The following ITGAX variants were observed in gnomAD, a reference collection of about 807,000 sequenced individuals.
The protein encoded by ITGAX is integrin alpha-X.
ITGAX carries 99 observed loss-of-function variants against 140.2 expected under a neutral mutation model. The ratio of observed to expected loss-of-function variants is 0.71; its 90% confidence interval spans 0.60 to 0.83. ITGAX has a LOEUF of 0.83. Among genes scored for constraint, ITGAX ranks in the 40% least tolerant of loss-of-function variants. The probability of loss-of-function intolerance (pLI) is 0.00; values close to 1 mark genes in which losing one functional copy is unlikely to be tolerated. For synonymous variants in ITGAX, 631 were observed against 600.4 expected, an observed-to-expected ratio of 1.05 and a Z score of -0.75; for missense variants, 1,444 against 1,482.0, an observed-to-expected ratio of 0.97 and a Z score of 0.42.
In ITGAX at chr16:31,359,767, C is replaced by A. The variant is rs139287488; in HGVS notation, c.498C>A (p.Asn166Lys). The change falls in exon 6 of 30, where the codon AAC becomes AAA. Residue 166 changes from asparagine (N) to lysine (K), a missense_variant. Asn to Lys is a moderately conservative substitution (Grantham distance 94). Coordinates refer to ENST00000268296, the MANE Select transcript of ITGAX (RefSeq NM_000887.5). The stretch of plus-strand genomic sequence containing the variant: ...GCTCAGGCAGCATCTCCTCCCGCAA[C>A]TTTGCCACGATGATGAACTTCGTGA... ...IDGSGSISSR[N>K]FATMMNFVRA... The A allele has an allele frequency of 2.1e-4, 346 of 1,614,176 alleles. 1 individual carries two copies. The African/African-American group carries it at 4.1e-3, about 19-fold the overall frequency.
Position 31,382,250 on chromosome 16 carries a change from T to TTTTTTTTTTTTTTTTCTTTTC in ITGAX, c.*356_*357insTTCTTTTCTTTTTTTTTTTTT. On this transcript the variant is annotated 3_prime_UTR_variant, in exon 30 of 30. Coordinates refer to ENST00000268296, the MANE Select transcript of ITGAX (RefSeq NM_000887.5). Reference sequence around the variant, plus strand: ...TTTCTTTTTTTTTTTTTTTCTTTTCTTTTTTTTTTTTTTGAGACGGAGTCT... The same window carrying TTTTTTTTTTTTTTTTCTTTTC: ...TTTCTTTTTTTTTTTTTTTCTTTTCTTTTTTTTTTTTTTTTCTTTTCTTTTTTTTTTTTTGAGACGGAGTCT... The TTTTTTTTTTTTTTTTCTTTTC allele has an allele frequency of 2.8e-6, 1 of 355,994 alleles. No individual in the cohort carries two copies. The highest frequency in any genetic ancestry group is 1.1e-4 in the East Asian group (1 of 9,352). The allele number at this position is 355,994 out of a possible 1,614,324, so 22.1% of individuals were successfully genotyped here. A position where few individuals can be genotyped will look rare whatever the true frequency, so the allele number is the denominator to read the frequency against.
In ITGAX at chr16:31,355,940, G is replaced by T; in HGVS notation, c.85G>T (p.Ala29Ser). 1 of 1,613,924 alleles carries T rather than the reference G, an allele frequency of 6.2e-7. No homozygotes were observed. Among genetic ancestry groups the T allele is most frequent in the Admixed American group, 1.7e-5 (1 of 60,008 alleles). Residue 29 changes from alanine (A) to serine (S), a missense_variant, in exon 2 of 30, where the codon GCC becomes TCC. By Grantham distance (99) the Ala-to-Ser change is moderately conservative. Transcript: ENST00000268296. Reference protein sequence around the residue: ...GFNLDTEELTAFRVDSAGFGD... With the variant: ...GFNLDTEELTSFRVDSAGFGD... ...CAACTTGGACACAGAGGAGCTGACA[G>T]CCTTCCGTGTGGACAGCGCTGGGTT...
At chr16:31,361,041 A>C in intron 8 of ITGAX, 22 bp from the exon 9 acceptor site, 1 of 1,608,670 alleles carries the variant, frequency 6.2e-7, no homozygotes, top group Non-Finnish European at 8.5e-7. Context: ...ATTTTTACTG[A>C]GTTGATCTTT....
rs370805911 is a variant in ITGAX, at chr16:31,357,043, C to T, written c.260C>T (p.Ala87Val). ...TCTGTCCCCACAGTGCCCCCGGAGG[C>T]CGTGAACATGTCCCTGGGCCTGTCC... ...EPIGLQVPPE[A>V]VNMSLGLSLA... The change falls in exon 4 of 30, where the codon GCC becomes GTC. Residue 87 changes from alanine (A) to valine (V), a missense_variant. Ala to Val is a moderately conservative substitution (Grantham distance 64). Transcript: ENST00000268296. 28 of 1,609,948 alleles carry T rather than the reference C, an allele frequency of 1.7e-5. No homozygotes were observed. The highest frequency in any genetic ancestry group is 2.2e-5 in the Non-Finnish European group (26 of 1,179,478).
chr16:31,359,577 C>T, intron 5 of ITGAX, 123 bp from the exon 6 acceptor site: 6 of 1,147,644 alleles, frequency 5.2e-6, no homozygotes, highest in Non-Finnish European at 7.4e-6. Flanking sequence ...GCCTGACTCC[C>T]ATCGCCAGAC....
At chr16:31,364,328 T>C (rs2080869327) in intron 14 of ITGAX, among the ~76,000 whole-genome samples, 1 of 146,212 alleles carries the variant, frequency 6.8e-6, no homozygotes, top group Non-Finnish European at 1.5e-5. Context: ...CTCGGGAGGC[T>C]GAGGTGGGAG....
rs776283493 is a variant in ITGAX at position 31,380,933 on chromosome 16, C to G, written c.3313C>G (p.Pro1105Ala). 6 of 1,614,050 alleles carry G rather than the reference C, an allele frequency of 3.7e-6. No individual in the cohort carries two copies. Among genetic ancestry groups the G allele is most frequent in the Non-Finnish European group, 5.1e-6 (6 of 1,179,998 alleles). Residue 1105 changes from proline to alanine, a missense_variant, in exon 29 of 30, where the codon CCC becomes GCC. Physicochemically the swap from Pro to Ala is conservative, Grantham distance 27. Transcript: ENST00000268296. ...GCTGGAGAAGTACAAGGTCCACAAC[C>G]CCACCCCCCTCATCGTAGGCAGCTC... ...TVLEKYKVHN[P>A]TPLIVGSSIG...
Position 31,362,937 on chromosome 16 carries a change from C to G in ITGAX, c.1362C>G (p.Ile454Met), listed in dbSNP as rs147426364. The G allele has an allele frequency of 7.5e-4, 1,214 of 1,611,624 alleles. 1 individual carries two copies. The highest frequency in any genetic ancestry group is 9.7e-4 in the Non-Finnish European group (1,141 of 1,179,742). Residue 454 changes from isoleucine (I) to methionine (M), a missense_variant and splice_region_variant, in exon 13 of 30, where the codon ATC becomes ATG. Physicochemically the swap from Ile to Met is conservative, Grantham distance 10. Transcript: ENST00000268296. Reference protein sequence around the residue: ...RMKAEVTGTQIGSYFGASLCS... With the variant: ...RMKAEVTGTQMGSYFGASLCS... ...ATGACCCAGGCTCTGCCCTTCAGAT[C>G]GGCTCCTACTTCGGGGCCTCCCTCT...
At position 31,382,406 on chromosome 16, in the gene ITGAX, C is replaced by A; in HGVS notation, c.*499C>A. The A allele has an allele frequency of 2.6e-6, 4 of 1,533,006 alleles. No individual in the cohort carries two copies. The South Asian group carries it at 4.8e-5, about 18-fold the overall frequency. The allele number at this position is 1,533,006 out of a possible 1,614,324, so 95.0% of individuals were successfully genotyped here. ...GACTACAGGCACACGCCACCTCGCC[C>A]GGCCCGATCTTTCTAAAATACAGTT... is the stretch of plus-strand genomic sequence containing the variant. On this transcript the variant is annotated 3_prime_UTR_variant, in exon 30 of 30. Transcript: ENST00000268296.
chr16:31,376,662 TG>T, intron 20 of ITGAX, 136 bp from the exon 21 acceptor site: 2 of 718,880 alleles, frequency 2.8e-6, no homozygotes, highest in Non-Finnish European at 4.7e-6. Context: ...AAGCTTAAGG[TG>T]GGCTCCAGGA....
intron 8 of ITGAX, 21 bp downstream of exon 8, chr16:31,360,484 C>A: frequency 6.3e-7 from 1 of 1,581,518 alleles, no homozygotes; most frequent in Non-Finnish European, 8.6e-7. Context: ...GGATGGCTTC[C>A]CACTTCTCCC....
chr16:31,357,136 G>C (rs924610893), intron 4 of ITGAX, 35 bp downstream of exon 4: 1 of 1,593,172 alleles, frequency 6.3e-7, no homozygotes. Context: ...GCTTCTGAGG[G>C]AGGGAGGGAG....
intron 14 of ITGAX, among the ~76,000 whole-genome samples, chr16:31,366,290 G>C (rs1397844558): frequency 1.3e-5 from 2 of 152,110 alleles, no homozygotes; most frequent in Non-Finnish European, 2.9e-5. Flanking sequence ...CTTCGATGTT[G>C]CTATTGTCCT....
Position 31,359,715 on chromosome 16 carries a change from A to C in ITGAX, c.446A>C (p.Glu149Ala). 7 of 1,614,140 alleles carry C rather than the reference A, an allele frequency of 4.3e-6. No homozygotes were observed. Among genetic ancestry groups the C allele is most frequent in the Non-Finnish European group, 5.9e-6 (7 of 1,180,024 alleles). ...PVSRQECPRQEQDIVFLIDGS... is the reference protein window; with the variant it reads ...PVSRQECPRQAQDIVFLIDGS... ...CCTTCCCCAGAGTGCCCAAGACAGGAGCAGGACATTGTGTTCCTGATCGAT... is the reference window on the plus strand; with the variant it reads ...CCTTCCCCAGAGTGCCCAAGACAGGCGCAGGACATTGTGTTCCTGATCGAT... Residue 149 changes from glutamate to alanine, a missense_variant, in exon 6 of 30, where the codon GAG becomes GCG. By Grantham distance (107) the Glu-to-Ala change is moderately radical. Transcript: ENST00000268296.
rs753422723 is a variant in ITGAX at position 31,380,936 on chromosome 16, A to C, written c.3316A>C (p.Thr1106Pro). The C allele has an allele frequency of 5.6e-6, 9 of 1,613,648 alleles. No individual in the cohort carries two copies. Among genetic ancestry groups the C allele is most frequent in the Middle Eastern group, 1.6e-4 (1 of 6,080 alleles). Residue 1106 changes from threonine (T) to proline (P), a missense_variant, in exon 29 of 30, where the codon ACC (threonine) becomes CCC (proline). By Grantham distance (38) the Thr-to-Pro change is conservative (BLOSUM62 -1). Transcript: ENST00000268296. ...VLEKYKVHNP[T>P]PLIVGSSIGG... is the part of the protein sequence containing the mutation. ...GGAGAAGTACAAGGTCCACAACCCC[A>C]CCCCCCTCATCGTAGGCAGCTCCAT...
chr16:31,357,814 C>CGT (rs1007080060), intron 5 of ITGAX: 6 of 396,796 alleles, frequency 1.5e-5, no homozygotes, highest in Non-Finnish European at 2.7e-5. Context: ...GTGTGAGCAA[C>CGT]GTGTGTGTGT....
rs199871999 is a variant in ITGAX at position 31,359,762 on chromosome 16, C to T, written c.493C>T (p.Arg165Cys). The T allele has an allele frequency of 4.6e-5, 75 of 1,614,124 alleles. No individual in the cohort carries two copies. The East Asian group carries it at 1.3e-3, about 28-fold the overall frequency. The change falls in exon 6 of 30, where the codon CGC (arginine) becomes TGC (cysteine). Residue 165 changes from arginine (R) to cysteine (C), a missense_variant. Coordinates refer to ENST00000268296, the MANE Select transcript of ITGAX (RefSeq NM_000887.5). ...CGATGGCTCAGGCAGCATCTCCTCCCGCAACTTTGCCACGATGATGAACTT... is the reference window on the plus strand; with the variant it reads ...CGATGGCTCAGGCAGCATCTCCTCCTGCAACTTTGCCACGATGATGAACTT... ...LIDGSGSISS[R>C]NFATMMNFVR...
Position 31,380,918 on chromosome 16 carries a change from T to C in ITGAX, c.3298T>C (p.Tyr1100His), listed in dbSNP as rs2081063378. 1.2e-6 allele frequency: 2 copies of C among 1,613,894 alleles called. No homozygotes were observed. The highest frequency in any genetic ancestry group is 1.3e-5 in the African/African-American group (1 of 74,870). ...TCAGACGACAACGGTGCTGGAGAAG[T>C]ACAAGGTCCACAACCCCACCCCCCT... ...RAQTTTVLEK[Y>H]KVHNPTPLIV... Residue 1100 changes from tyrosine to histidine, a missense_variant, in exon 29 of 30, where the codon TAC (tyrosine) becomes CAC (histidine). Transcript: ENST00000268296.
rs370983673 is a variant in ITGAX, at chr16:31,380,171, C to T, written c.3061-95C>T. Reference sequence around the variant, plus strand: ...TCCTGCTGAAGTACCCTCTTGCATTCGGATATGGCCGCTGCCCTCAAGTCA... The same window carrying T: ...TCCTGCTGAAGTACCCTCTTGCATTTGGATATGGCCGCTGCCCTCAAGTCA... On this transcript the variant is annotated intron_variant, in intron 26 of 29. Transcript: ENST00000268296. 6.0e-5 allele frequency: 91 copies of T among 1,513,580 alleles called. 1 individual carries two copies. The highest frequency in any genetic ancestry group is 5.3e-4 in the Middle Eastern group (3 of 5,678). 93.8% of individuals were successfully genotyped at this position (1,513,580 alleles called of 1,614,324 possible). A position where few individuals can be genotyped will look rare whatever the true frequency, so the allele number is the denominator to read the frequency against.
Sources: allele counts gnomAD v4.1 joint callset (sites outside exome capture counted in the v4.1 genomes callset), GRCh38; gene constraint gnomAD v4.1.1; transcripts MANE v1.5; gene names NCBI Gene and HGNC (gene_info 2026-07-23, HGNC 2026-07-21).